The following MCUB variants were observed in gnomAD, a reference collection of about 807,000 sequenced individuals.
The protein encoded by MCUB is mitochondrial calcium uniporter dominant negative subunit beta.
A neutral mutation model predicts 41.4 loss-of-function variants in MCUB; 46 were observed. The ratio of observed to expected loss-of-function variants is 1.11; its 90% confidence interval spans 0.88 to 1.42. The LOEUF (loss-of-function observed/expected upper bound fraction) is 1.42. Among genes scored for constraint, MCUB ranks in the 40% most tolerant of loss-of-function variants. The probability of loss-of-function intolerance (pLI) is 0.00; values close to 1 mark genes in which losing one functional copy is unlikely to be tolerated. For missense variants in MCUB, 403 were observed against 404.9 expected (o/e 1.00, Z 0.04); for synonymous variants, 148 against 148.2 (o/e 1.00, Z 0.01).
At chr4:109,660,479 G>T in intron 3 of MCUB, 114 bp downstream of exon 3, 1 of 549,582 alleles carries the variant, frequency 1.8e-6, no homozygotes, top group South Asian at 3.3e-5. Flanking sequence ...GATAATAAAT[G>T]GTTGGTCTTT....
chr4:109,609,531 G>C (rs1727952621), intron 1 of MCUB, among the ~76,000 whole-genome samples: 1 of 152,106 alleles, frequency 6.6e-6, no homozygotes, highest in Non-Finnish European at 1.5e-5. Context: ...AAGTCTTTAT[G>C]ACCTATATCT....
At chr4:109,606,631 C>T (rs1727876959) in intron 1 of MCUB, among the ~76,000 whole-genome samples, 1 of 152,238 alleles carries the variant, frequency 6.6e-6, no homozygotes, top group South Asian at 2.1e-4. Context: ...AACAAGCAAA[C>T]TAACAAGTAT....
intron 1 of MCUB, among the ~76,000 whole-genome samples, chr4:109,625,262 C>A (rs1482480642): frequency 6.6e-6 from 1 of 152,184 alleles, no homozygotes; most frequent in Non-Finnish European, 1.5e-5. Flanking sequence ...TACTCTCAGG[C>A]CTCATCAGAA....
At chr4:109,566,977 G>A (rs984643192) in intron 1 of MCUB, among the ~76,000 whole-genome samples, 16 of 151,996 alleles carry the variant, frequency 1.1e-4, no homozygotes, top group Admixed American at 2.6e-4. Context: ...GCTGGGTGTC[G>A]TGGCAGGCAC....
intron 1 of MCUB, among the ~76,000 whole-genome samples, chr4:109,606,207 C>G (rs886667975): frequency 6.6e-6 from 1 of 152,144 alleles, no homozygotes; most frequent in Non-Finnish European, 1.5e-5. Context: ...ATCTCCTGAC[C>G]TCGTGATCCA....
In MCUB at chr4:109,635,902, C is replaced by T. The variant is rs189829448; in HGVS notation, c.100-23109C>T. Among the ~76,000 whole-genome samples the T allele has an allele frequency of 9.8e-3, 1,405 of 142,818 alleles. 24 individuals are homozygous for T. The highest frequency in any genetic ancestry group is 0.039 in the African/African-American group (1,343 of 34,320). 93.7% of individuals were successfully genotyped at this position (142,818 alleles called of 152,430 possible). On this transcript the variant is annotated intron_variant, in intron 1 of 7. Transcript: ENST00000394650. ...TTATTATGTAAAATGCAGCTCTAAACTTTGTTTGTCTTTTAAGAACATATG... is the reference window on the plus strand; with the variant it reads ...TTATTATGTAAAATGCAGCTCTAAATTTTGTTTGTCTTTTAAGAACATATG...
intron 1 of MCUB, among the ~76,000 whole-genome samples, chr4:109,653,612 T>TG (rs899996223): frequency 6.6e-6 from 1 of 152,136 alleles, no homozygotes; most frequent in Non-Finnish European, 1.5e-5. Flanking sequence ...GTTTCACTCT[T>TG]GTTGCCCAGG....
chr4:109,600,885 C>T (rs959422678), intron 1 of MCUB, among the ~76,000 whole-genome samples: 42 of 152,114 alleles, frequency 2.8e-4, no homozygotes, highest in Admixed American at 4.6e-4. Context: ...ACCTCTGCCT[C>T]CTGGGTTCAA....
rs545342041 is a variant in MCUB, at chr4:109,587,580, C to A, written c.99+27144C>A. 3.7e-4 allele frequency among the ~76,000 whole-genome samples: 56 copies of A among 152,206 alleles called. 2 individuals are homozygous for A. The South Asian group carries it at 0.011, about 31-fold the overall frequency. On this transcript the variant is annotated intron_variant, in intron 1 of 7. Coordinates refer to ENST00000394650, the MANE Select transcript of MCUB (RefSeq NM_017918.5). ...GCTGCAGACTGGAGCTGTTCCTATT[C>A]GTCCATCTTGGAACGGAAATCCAAA...
At chr4:109,606,527 T>A (rs1329350521) in intron 1 of MCUB, among the ~76,000 whole-genome samples, 2 of 152,112 alleles carry the variant, frequency 1.3e-5, no homozygotes, top group African/African-American at 4.8e-5. Flanking sequence ...TCCATTCTTG[T>A]GTATTTTTTT....
intron 1 of MCUB, among the ~76,000 whole-genome samples, chr4:109,644,317 G>A (rs1003077102): frequency 1.3e-5 from 2 of 151,980 alleles, no homozygotes; most frequent in Non-Finnish European, 2.9e-5. Flanking sequence ...AAATAGAGAA[G>A]ACAAAAAACA....
chr4:109,624,963 ACC>A (rs1469522894), intron 1 of MCUB, among the ~76,000 whole-genome samples: 4 of 151,552 alleles, frequency 2.6e-5, no homozygotes, highest in Non-Finnish European at 5.9e-5. Context: ...AACATGGTGA[ACC>A]CCCGCCTCTA....
chr4:109,643,654 A>G (rs972953154), intron 1 of MCUB, among the ~76,000 whole-genome samples: 4 of 151,976 alleles, frequency 2.6e-5, no homozygotes, highest in Non-Finnish European at 5.9e-5. Context: ...ACAGGCATGC[A>G]TCACCATGCC....
chr4:109,608,936 TA>T (rs1727940511), intron 1 of MCUB, among the ~76,000 whole-genome samples: 1 of 152,232 alleles, frequency 6.6e-6, no homozygotes, highest in South Asian at 2.1e-4. Context: ...ACCCTAAGCC[TA>T]GTAACGCTGT....
At chr4:109,665,005 TAG>T (rs1363947737) in intron 4 of MCUB, among the ~76,000 whole-genome samples, 1 of 152,214 alleles carries the variant, frequency 6.6e-6, no homozygotes, top group Non-Finnish European at 1.5e-5. Context: ...GAGCAGAATG[TAG>T]AGAGAGTTCC....
intron 1 of MCUB, among the ~76,000 whole-genome samples, chr4:109,647,341 C>T (rs374196296): frequency 6.6e-6 from 1 of 152,290 alleles, no homozygotes; most frequent in East Asian, 1.9e-4. Flanking sequence ...TCTGTTCATC[C>T]CTGTCTTTCC....
chr4:109,631,149 A>G (rs1272804101), intron 1 of MCUB, among the ~76,000 whole-genome samples: 1 of 152,260 alleles, frequency 6.6e-6, no homozygotes, highest in African/African-American at 2.4e-5. Flanking sequence ...TTTCAGAGGA[A>G]GCAAGTTATT....
chr4:109,561,176 A>G (rs1726620277), intron 1 of MCUB, among the ~76,000 whole-genome samples: 1 of 152,162 alleles, frequency 6.6e-6, no homozygotes, highest in Admixed American at 6.5e-5. Flanking sequence ...CCGGGAGTGC[A>G]AACTCTGACC....
chr4:109,597,547 C>T (rs1344667712), intron 1 of MCUB, among the ~76,000 whole-genome samples: 3 of 133,454 alleles, frequency 2.2e-5, no homozygotes, highest in Admixed American at 1.5e-4. Flanking sequence ...GGCGGCTGGC[C>T]GGGCAGAGGG....
Sources: gnomAD v4.1 joint callset for allele counts (sites outside exome capture counted in the v4.1 genomes callset) on GRCh38, gnomAD v4.1.1 for gene constraint, MANE v1.5 for transcripts, NCBI Gene and HGNC (gene_info 2026-07-23, HGNC 2026-07-21) for gene names.